The following CRPPA variants were observed in gnomAD, a reference collection of about 807,000 sequenced individuals.
The protein encoded by CRPPA is D-ribitol-5-phosphate cytidylyltransferase.
CRPPA carries 43 observed loss-of-function variants against 52.0 expected under a neutral mutation model. That is an observed-to-expected ratio of 0.83 (90% confidence interval 0.65 to 1.07). The LOEUF is 1.07. CRPPA is among the 50% of genes least tolerant of loss of function. CRPPA has a pLI of 0.00. For synonymous variants in CRPPA, 250 were observed against 203.5 expected (o/e 1.23, Z -1.94); for missense variants, 629 against 551.7 (o/e 1.14, Z -1.40).
intron 9 of CRPPA, among the ~76,000 whole-genome samples, chr7:16,174,450 G>A (rs932510096): frequency 1.3e-5 from 2 of 152,134 alleles, no homozygotes; most frequent in African/African-American, 4.8e-5. Flanking sequence ...AATAAAACTC[G>A]TTAGAGAAAT....
Position 16,089,273 on chromosome 7 carries a change from T to TATATGTGTGTATGCGTACGTATATAC in CRPPA, c.*2396_*2421dup, listed in dbSNP as rs1165227547. 1 of 365,170 alleles carries TATATGTGTGTATGCGTACGTATATAC rather than the reference T, an allele frequency of 2.7e-6. No individual in the cohort carries two copies. The highest frequency in any genetic ancestry group is 7.5e-5 in the East Asian group (1 of 13,306). The allele number at this position is 365,170 out of a possible 1,614,324, so 22.6% of individuals were successfully genotyped here. A position where few individuals can be genotyped will look rare whatever the true frequency, so the allele number is the denominator to read the frequency against. On this transcript the variant is annotated 3_prime_UTR_variant, in exon 10 of 10. Transcript: ENST00000407010. ...ATGTGTGTATGCGTACGTATATACATATATGTGTGTATGCGTACGTATATA... is the reference window on the plus strand; with the variant it reads ...ATGTGTGTATGCGTACGTATATACATATATGTGTGTATGCGTACGTATATACATATGTGTGTATGCGTACGTATATA...
intron 5 of CRPPA, among the ~76,000 whole-genome samples, chr7:16,284,655 G>A (rs1784386922): frequency 6.6e-6 from 1 of 152,058 alleles, no homozygotes; most frequent in Non-Finnish European, 1.5e-5. Context: ...TACATTTTGA[G>A]TAATACACCC....
chr7:16,162,603 G>C (rs372507283), intron 9 of CRPPA, among the ~76,000 whole-genome samples: 2 of 152,216 alleles, frequency 1.3e-5, no homozygotes. Context: ...CCAATTATGT[G>C]GTCAATTTTA....
chr7:16,215,499 G>A (rs1428200424), intron 9 of CRPPA, among the ~76,000 whole-genome samples: 2 of 152,214 alleles, frequency 1.3e-5, no homozygotes, highest in Non-Finnish European at 2.9e-5. Context: ...TAAAGACAGT[G>A]ACAATGAATG....
intron 3 of CRPPA, among the ~76,000 whole-genome samples, chr7:16,344,759 A>G (rs1785966075): frequency 6.6e-6 from 1 of 152,086 alleles, no homozygotes; most frequent in African/African-American, 2.4e-5. Flanking sequence ...ACGCTTGCTC[A>G]GTCAAAAGAA....
At chr7:16,170,688 A>G (rs1781162559) in intron 9 of CRPPA, among the ~76,000 whole-genome samples, 1 of 152,184 alleles carries the variant, frequency 6.6e-6, no homozygotes, top group African/African-American at 2.4e-5. Context: ...GGCTCGGAGC[A>G]TGGGCATGGT....
At chr7:16,243,854 C>A (rs1019977388) in intron 8 of CRPPA, among the ~76,000 whole-genome samples, 1 of 152,044 alleles carries the variant, frequency 6.6e-6, no homozygotes, top group Non-Finnish European at 1.5e-5. Flanking sequence ...GTACTCCCAG[C>A]TACTTAGGAG....
intron 5 of CRPPA, among the ~76,000 whole-genome samples, chr7:16,301,125 AATT>A (rs772363702): frequency 6.6e-6 from 1 of 152,198 alleles, no homozygotes; most frequent in Non-Finnish European, 1.5e-5. Context: ...ACCTTTACAA[AATT>A]ATTAAAATCA....
intron 2 of CRPPA, among the ~76,000 whole-genome samples, chr7:16,397,015 G>GAAACATGTGCCAGAACAAATGTGT (rs1247412113): frequency 1.3e-5 from 2 of 152,084 alleles, no homozygotes; most frequent in African/African-American, 4.8e-5. Context: ...TGACACGTGT[G>GAAACATGTGCCAGAACAAATGTGT]AAACATGTGC....
At chr7:16,256,391 G>A (rs891361889) in intron 8 of CRPPA, among the ~76,000 whole-genome samples, 2 of 152,152 alleles carry the variant, frequency 1.3e-5, no homozygotes, top group African/African-American at 2.4e-5. Context: ...AATACCATTA[G>A]ACCCAGCAAT....
At chr7:16,156,694 G>T (rs554481378) in intron 9 of CRPPA, among the ~76,000 whole-genome samples, 1 of 152,156 alleles carries the variant, frequency 6.6e-6, no homozygotes, top group Non-Finnish European at 1.5e-5. Context: ...TCAAAATACA[G>T]AGGTTTCATG....
chr7:16,400,077 G>A (rs1024755332), intron 2 of CRPPA, among the ~76,000 whole-genome samples: 3 of 151,982 alleles, frequency 2.0e-5, no homozygotes, highest in African/African-American at 7.3e-5. Context: ...TCGGCAACGT[G>A]TATGACATGA....
intron 2 of CRPPA, among the ~76,000 whole-genome samples, chr7:16,394,111 T>C (rs1787511383): frequency 6.6e-6 from 1 of 152,116 alleles, no homozygotes. Flanking sequence ...GAAAATAATT[T>C]GGCATCATCT....
chr7:16,335,592 A>T (rs1434311076), intron 3 of CRPPA, among the ~76,000 whole-genome samples: 1 of 152,234 alleles, frequency 6.6e-6, no homozygotes, highest in Non-Finnish European at 1.5e-5. Flanking sequence ...CAAAACAATA[A>T]CAACAAAGAG....
At chr7:16,105,160 T>A (rs1782126633) in intron 9 of CRPPA, among the ~76,000 whole-genome samples, 1 of 152,136 alleles carries the variant, frequency 6.6e-6, no homozygotes, top group African/African-American at 2.4e-5. Flanking sequence ...ATGGGAAGTC[T>A]TCTCCTCCAC....
chr7:16,273,936 G>A (rs1784148852), intron 6 of CRPPA, among the ~76,000 whole-genome samples: 1 of 152,192 alleles, frequency 6.6e-6, no homozygotes, highest in Non-Finnish European at 1.5e-5. Flanking sequence ...GCTGTGGGCT[G>A]ATTAAATGAG....
rs181018744 is a variant in CRPPA, at chr7:16,244,597, A to G, written c.1119+13793T>C. On this transcript the variant is annotated intron_variant, in intron 8 of 9. Coordinates refer to ENST00000407010, the MANE Select transcript of CRPPA (RefSeq NM_001101426.4). ...AACCTAACCCAATGTTGTTTTTGCC[A>G]AATGCCCACCTAAGTTGACATTCAG... Among the ~76,000 whole-genome samples the G allele has an allele frequency of 8.7e-3, 1,325 of 152,316 alleles. 6 individuals carry two copies. Among genetic ancestry groups the G allele is most frequent in the Admixed American group, 0.012 (190 of 15,288 alleles).
At chr7:16,334,597 C>T (rs1311127654) in intron 3 of CRPPA, among the ~76,000 whole-genome samples, 1 of 152,154 alleles carries the variant, frequency 6.6e-6, no homozygotes, top group East Asian at 1.9e-4. Flanking sequence ...GATTCTGGTA[C>T]TGCCCAGAAA....
At chr7:16,102,767 G>A (rs973789853) in intron 9 of CRPPA, among the ~76,000 whole-genome samples, 3 of 152,206 alleles carry the variant, frequency 2.0e-5, no homozygotes, top group African/African-American at 7.2e-5. Flanking sequence ...GCCATCTCAC[G>A]CCAGTTAGAA....
Sources: allele counts gnomAD v4.1 joint callset (sites outside exome capture counted in the v4.1 genomes callset), GRCh38; gene constraint gnomAD v4.1.1; transcripts MANE v1.5; gene names NCBI Gene and HGNC (gene_info 2026-07-23, HGNC 2026-07-21).